Variants in KIF18A observed in about 807,000 individuals in gnomAD.
KIF18A encodes kinesin-like protein KIF18A.
A neutral mutation model predicts 103.3 loss-of-function variants in KIF18A; 67 were observed. The observed-to-expected ratio is 0.65, with a 90% CI of 0.53 to 0.79. The LOEUF (loss-of-function observed/expected upper bound fraction) is 0.79, where lower values mean the gene tolerates loss of function less well. Among genes scored for constraint, KIF18A ranks in the 30% least tolerant of loss-of-function variants. KIF18A has a pLI of 0.00. For missense variants in KIF18A, 1,032 were observed against 1,062.5 expected, an observed-to-expected ratio of 0.97 and a Z score of 0.40; for synonymous variants, 367 against 355.5, an observed-to-expected ratio of 1.03 and a Z score of -0.36.
chr11:28,047,615 T>C (rs533566417), intron 13 of KIF18A, among the ~76,000 whole-genome samples: 1 of 152,310 alleles, frequency 6.6e-6, no homozygotes, highest in Non-Finnish European at 1.5e-5. Flanking sequence ...ATAGCAATTA[T>C]ATTTGTTGTT....
chr11:28,047,056 G>GGA (rs1850645617), intron 13 of KIF18A, among the ~76,000 whole-genome samples: 5 of 71,132 alleles, frequency 7.0e-5, no homozygotes, highest in Admixed American at 5.8e-4. Flanking sequence ...CTTCGTCTCA[G>GGA]AAAAAAAAAA....
chr11:28,092,765 C>T (rs1851322467), intron 3 of KIF18A, among the ~76,000 whole-genome samples: 1 of 152,094 alleles, frequency 6.6e-6, no homozygotes, highest in African/African-American at 2.4e-5. Flanking sequence ...TGGTACAATT[C>T]TCTACAATGA....
chr11:28,057,229 T>C (rs1850792541), intron 13 of KIF18A, among the ~76,000 whole-genome samples: 1 of 152,134 alleles, frequency 6.6e-6, no homozygotes, highest in Middle Eastern at 3.4e-3. Flanking sequence ...TTTAAAAGAC[T>C]ATGCAGCTGG....
intron 15 of KIF18A, among the ~76,000 whole-genome samples, chr11:28,025,473 C>A (rs76465563): frequency 2.0e-5 from 3 of 151,638 alleles, no homozygotes; most frequent in Non-Finnish European, 4.4e-5. Flanking sequence ...TTTCATAGTA[C>A]GATTATGCAT....
At chr11:28,090,199 C>G (rs1386711661) in intron 5 of KIF18A, among the ~76,000 whole-genome samples, 1 of 152,136 alleles carries the variant, frequency 6.6e-6, no homozygotes, top group African/African-American at 2.4e-5. Context: ...CCAACTGAAT[C>G]ATACTTCCTT....
intron 11 of KIF18A, among the ~76,000 whole-genome samples, chr11:28,065,487 G>A (rs916439056): frequency 9.9e-5 from 15 of 151,970 alleles, no homozygotes; most frequent in African/African-American, 2.9e-4. Flanking sequence ...AAAGTTCTTC[G>A]TAAGAGAAAT....
chr11:28,076,066 G>A (rs1299102551), intron 10 of KIF18A, among the ~76,000 whole-genome samples: 1 of 151,710 alleles, frequency 6.6e-6, no homozygotes, highest in Non-Finnish European at 1.5e-5. Flanking sequence ...ATAGGCCACT[G>A]AAATTTCAGG....
intron 8 of KIF18A, 66 bp from the exon 9 acceptor site, chr11:28,083,034 G>A: frequency 6.9e-7 from 1 of 1,441,502 alleles, no homozygotes; most frequent in Admixed American, 2.5e-5. Context: ...GCCAAATTTA[G>A]CTGTAAAAAA....
chr11:28,093,183 T>G (rs1269641154), intron 3 of KIF18A, among the ~76,000 whole-genome samples: 1 of 152,068 alleles, frequency 6.6e-6, no homozygotes, highest in Non-Finnish European at 1.5e-5. Context: ...ACTTCAAAAT[T>G]CTCCCAGTTA....
At position 28,036,596 on chromosome 11, in the gene KIF18A, G is replaced by A. The variant is rs772507170; in HGVS notation, c.2017C>T (p.Pro673Ser). 3.1e-6 allele frequency: 5 copies of A among 1,610,036 alleles called. No individual in the cohort carries two copies. In the South Asian group the frequency reaches 4.4e-5, roughly 14 times the overall value. ...GTATGCTGTCCTTTCAAGGGAGATG[G>A]CATTAGTTTTCTCCGAGTTCTTTTT... ...TEKRTRRKLM[P>S]SPLKGQHTLK... is the part of the protein sequence containing the mutation. The change falls in exon 14 of 17, where the codon CCA becomes TCA. Residue 673 changes from proline (P) to serine (S), a missense_variant. Coordinates refer to ENST00000263181, the MANE Select transcript of KIF18A (RefSeq NM_031217.4).
At chr11:28,030,560 G>A (rs933870471) in intron 15 of KIF18A, among the ~76,000 whole-genome samples, 1 of 151,756 alleles carries the variant, frequency 6.6e-6, no homozygotes. Context: ...AAATGTTAGA[G>A]CTAAAACCAT....
intron 1 of KIF18A, among the ~76,000 whole-genome samples, chr11:28,103,841 TAAGA>T (rs1851474023): frequency 6.6e-6 from 1 of 151,838 alleles, no homozygotes; most frequent in Non-Finnish European, 1.5e-5. Flanking sequence ...AAGAAAAAAA[TAAGA>T]AAGAAATAAT....
chr11:28,055,819 A>T (rs1229201045), intron 13 of KIF18A, among the ~76,000 whole-genome samples: 2 of 152,186 alleles, frequency 1.3e-5, no homozygotes, highest in Non-Finnish European at 2.9e-5. Context: ...CATGCATATG[A>T]GGAATTAAGA....
chr11:28,024,488 T>TACA (rs1304517743), intron 15 of KIF18A, among the ~76,000 whole-genome samples: 2 of 152,048 alleles, frequency 1.3e-5, no homozygotes, highest in Non-Finnish European at 1.5e-5. Context: ...TTACATGATA[T>TACA]ACAAGTAAAC....
At chr11:28,089,684 A>T (rs1388077259) in intron 5 of KIF18A, among the ~76,000 whole-genome samples, 1 of 152,228 alleles carries the variant, frequency 6.6e-6, no homozygotes, top group East Asian at 1.9e-4. Flanking sequence ...TATGCGGCAC[A>T]TGACTATACA....
At chr11:28,031,644 A>G (rs1171878817) in intron 15 of KIF18A, among the ~76,000 whole-genome samples, 1 of 151,690 alleles carries the variant, frequency 6.6e-6, no homozygotes, top group Non-Finnish European at 1.5e-5. Context: ...ACAAACCTGC[A>G]CGTTATGCAC....
Position 28,021,094 on chromosome 11 carries a change from T to C in KIF18A, c.*106A>G. On this transcript the variant is annotated 3_prime_UTR_variant, in exon 17 of 17. Coordinates refer to ENST00000263181, the MANE Select transcript of KIF18A (RefSeq NM_031217.4). ...GAAAGTACTTGGGTAAACTTAGCTT[T>C]AAGATGGGTCTTCTTTCAAAGATTT... 1 of 1,113,116 alleles carries C rather than the reference T, an allele frequency of 9.0e-7. No individual in the cohort carries two copies. Among genetic ancestry groups the C allele is most frequent in the East Asian group, 3.5e-5 (1 of 28,602 alleles). 69.0% of individuals were successfully genotyped at this position (1,113,116 alleles called of 1,614,324 possible).
chr11:28,024,020 A>G (rs1850280674), intron 15 of KIF18A, among the ~76,000 whole-genome samples, 170 bp from the exon 16 acceptor site: 1 of 152,068 alleles, frequency 6.6e-6, no homozygotes, highest in African/African-American at 2.4e-5. Context: ...AGAGAAATTT[A>G]GCTGTGTGTG....
intron 13 of KIF18A, among the ~76,000 whole-genome samples, chr11:28,049,899 A>G (rs1327267221): frequency 6.6e-6 from 1 of 151,900 alleles, no homozygotes; most frequent in Non-Finnish European, 1.5e-5. Flanking sequence ...TTATCTTATA[A>G]GATAAAGTAC....
Sources: gnomAD v4.1 joint callset for allele counts (sites outside exome capture counted in the v4.1 genomes callset) on GRCh38, gnomAD v4.1.1 for gene constraint, MANE v1.5 for transcripts, NCBI Gene and HGNC (gene_info 2026-07-23, HGNC 2026-07-21) for gene names.